Variants in GRK5 observed in about 807,000 individuals in gnomAD.
The protein encoded by GRK5 is G protein-coupled receptor kinase 5, also known as g protein-coupled receptor kinase GRK5.
A neutral mutation model predicts 78.4 loss-of-function variants in GRK5; 40 were observed. The ratio of observed to expected loss-of-function variants is 0.51; its 90% CI spans 0.40 to 0.66. GRK5 has a LOEUF of 0.66. Ranked by LOEUF, GRK5 falls within the 30% of genes least tolerant of loss-of-function variation. The pLI is 0.00. For synonymous variants in GRK5, 289 were observed against 296.8 expected (o/e 0.97, Z 0.27); for missense variants, 598 against 759.9 (o/e 0.79, Z 2.50).
intron 1 of GRK5, among the ~76,000 whole-genome samples, chr10:119,291,141 AG>A (rs982825340): frequency 2.0e-5 from 3 of 152,152 alleles, no homozygotes; most frequent in Non-Finnish European, 4.4e-5. Context: ...AGCCAGCCGC[AG>A]GGTATGGGGT....
chr10:119,392,008 C>T (rs1851895349), intron 3 of GRK5, among the ~76,000 whole-genome samples: 1 of 152,206 alleles, frequency 6.6e-6, no homozygotes, highest in Non-Finnish European at 1.5e-5. Flanking sequence ...GCCCAGACTG[C>T]CCTTTCTAAA....
intron 6 of GRK5, among the ~76,000 whole-genome samples, chr10:119,426,186 G>A (rs1852673165): frequency 6.6e-6 from 1 of 152,188 alleles, no homozygotes; most frequent in South Asian, 2.1e-4. Context: ...TGCAGGCCAG[G>A]AGCCCTTCTG....
At position 119,455,811 on chromosome 10, in the gene GRK5, C is replaced by T. The variant is rs1198387920; in HGVS notation, c.*744C>T. On this transcript the variant is annotated 3_prime_UTR_variant, in exon 16 of 16. Transcript: ENST00000392870. ...GTCGCCTAGGCTGAGCCCTTCTCCT[C>T]GAGGGGCACGCCGAGCCACTGTCGC... 5 of 158,714 alleles carry T rather than the reference C, an allele frequency of 3.2e-5. No individual in the cohort carries two copies. The highest frequency in any genetic ancestry group is 1.9e-4 in the East Asian group (1 of 5,254). The allele number at this position is 158,714 out of a possible 1,614,324, so 9.8% of individuals were successfully genotyped here. A position where few individuals can be genotyped will look rare whatever the true frequency, so the allele number is the denominator to read the frequency against.
At chr10:119,302,494 T>C (rs1358411629) in intron 1 of GRK5, among the ~76,000 whole-genome samples, 1 of 152,106 alleles carries the variant, frequency 6.6e-6, no homozygotes, top group African/African-American at 2.4e-5. Context: ...CAAGAGCTGG[T>C]TGTACTTTTT....
intron 2 of GRK5, among the ~76,000 whole-genome samples, chr10:119,332,251 C>T (rs896071571): frequency 6.6e-6 from 1 of 152,010 alleles, no homozygotes; most frequent in Non-Finnish European, 1.5e-5. Flanking sequence ...GGACTACAAA[C>T]GTGCACTACC....
chr10:119,289,692 TCTCCTGGCC>T (rs1189983657), intron 1 of GRK5, among the ~76,000 whole-genome samples: 5 of 152,200 alleles, frequency 3.3e-5, no homozygotes, highest in Admixed American at 6.5e-5. Context: ...TTCCCGAGTC[TCTCCTGGCC>T]CAGCAGTGGT....
In GRK5 at chr10:119,455,056, G is replaced by T. The variant is rs375507983; in HGVS notation, c.1762G>T (p.Gly588Ter). 1.9e-6 allele frequency: 3 copies of T among 1,613,474 alleles called. No individual in the cohort carries two copies. The highest frequency in any genetic ancestry group is 2.5e-6 in the Non-Finnish European group (3 of 1,179,418). Reference protein sequence around the residue: ...NSNHVSSNSTGSS With the variant: ...NSNHVSSNST ...AAACCATGTCAGCTCGAACTCCACC[G>T]GAAGCAGCTAGTTTCGGCTCTGGCC... Residue 588 changes from glycine (G) to a stop codon, truncating the protein, a stop_gained, in exon 16 of 16, where the codon GGA (glycine) becomes TGA (stop). Coordinates refer to ENST00000392870, the MANE Select transcript of GRK5 (RefSeq NM_005308.3). LOFTEE classifies it high-confidence loss of function.
chr10:119,309,523 G>A (rs545745746), intron 1 of GRK5, among the ~76,000 whole-genome samples: 1 of 152,372 alleles, frequency 6.6e-6, no homozygotes, highest in Admixed American at 6.5e-5. Context: ...TCAGGGCAGA[G>A]TAATGGCGAC....
At chr10:119,446,511 C>G (rs892251092) in intron 12 of GRK5, among the ~76,000 whole-genome samples, 4 of 143,656 alleles carry the variant, frequency 2.8e-5, no homozygotes, top group African/African-American at 1.0e-4. Flanking sequence ...ACCTTCCTGG[C>G]CAGCTGCTGC....
Position 119,423,284 on chromosome 10 carries a change from C to T in GRK5, c.440+18C>T, listed in dbSNP as rs1179294172. 5 of 1,560,156 alleles carry T rather than the reference C, an allele frequency of 3.2e-6. No individual in the cohort carries two copies. The Admixed American group carries it at 5.0e-5, about 16-fold the overall frequency. ...TGTGCACAGTAAGTGCCGTAGTCACCTGGCCTGTCCTCCCCGGGCTGCCCA... is the reference window on the plus strand; with the variant it reads ...TGTGCACAGTAAGTGCCGTAGTCACTTGGCCTGTCCTCCCCGGGCTGCCCA... On this transcript the variant is annotated intron_variant, in intron 5 of 15. Transcript: ENST00000392870.
chr10:119,454,941 A>C (rs1198204276), intron 15 of GRK5, 28 bp from the exon 16 acceptor site: 1 of 1,469,084 alleles, frequency 6.8e-7, no homozygotes, highest in South Asian at 1.1e-5. Context: ...TGTTCTCTCC[A>C]CCCCGTCTCC....
At chr10:119,211,551 A>G (rs1278543412) in intron 1 of GRK5, 2 of 152,188 alleles carry the variant, frequency 1.3e-5, no homozygotes, top group Admixed American at 1.3e-4. Context: ...TCCTTTCTTC[A>G]CAGGCCAGCA....
intron 1 of GRK5, among the ~76,000 whole-genome samples, chr10:119,303,156 G>A (rs964692799): frequency 6.6e-6 from 1 of 152,232 alleles, no homozygotes; most frequent in East Asian, 1.9e-4. Flanking sequence ...CATATGCAGA[G>A]TCTGCCCCGG....
intron 2 of GRK5, among the ~76,000 whole-genome samples, chr10:119,370,996 C>T (rs1851537475): frequency 1.4e-5 from 2 of 146,928 alleles, no homozygotes. Flanking sequence ...AGCCTCACAA[C>T]CTTTACAATC....
rs1009330777 is a variant in GRK5, at chr10:119,238,896, A to C, written c.52+30927A>C. ...AAAGTTGATGGTTACTCTACCATGA[A>C]AGAGCAGAAAAAGCTGAGCAGAAAA... is the stretch of plus-strand genomic sequence containing the variant. On this transcript the variant is annotated intron_variant, in intron 1 of 15. Coordinates refer to ENST00000392870, the MANE Select transcript of GRK5 (RefSeq NM_005308.3). This position sits in a 1 kb window ranked among gnomAD's most constrained non-coding sequence, Gnocchi z 4.7. 6.6e-6 allele frequency among the ~76,000 whole-genome samples: 1 copy of C among 152,142 alleles called. No homozygotes were observed. The highest frequency in any genetic ancestry group is 6.5e-5 in the Admixed American group (1 of 15,270).
chr10:119,414,104 C>T (rs1852399085), intron 4 of GRK5, among the ~76,000 whole-genome samples: 1 of 152,196 alleles, frequency 6.6e-6, no homozygotes, highest in African/African-American at 2.4e-5. Flanking sequence ...CTGGGAGCCC[C>T]TTTCTTCCAG....
intron 1 of GRK5, among the ~76,000 whole-genome samples, chr10:119,323,587 C>T (rs539159094): frequency 6.6e-6 from 1 of 152,306 alleles, no homozygotes; most frequent in South Asian, 2.1e-4. Flanking sequence ...CTGGAGGCCA[C>T]ATGTGCTGTC....
rs1249280627 is a variant in GRK5 at position 119,217,036 on chromosome 10, C to A, written c.52+9067C>A. 2.6e-5 allele frequency among the ~76,000 whole-genome samples: 4 copies of A among 152,274 alleles called. No individual in the cohort carries two copies. In the East Asian group the frequency reaches 7.7e-4, roughly 29 times the overall value. On this transcript the variant is annotated intron_variant, in intron 1 of 15. Coordinates refer to ENST00000392870, the MANE Select transcript of GRK5 (RefSeq NM_005308.3). This position sits in a 1 kb window ranked among gnomAD's most constrained non-coding sequence, Gnocchi z 4.1. ...GGGGAGCAATTGCAAGTGGATCTCC[C>A]CTATCCTCCAAAGTGCTTTTATGTT... is the stretch of plus-strand genomic sequence containing the variant.
chr10:119,256,620 CT>C (rs74361847), intron 1 of GRK5, among the ~76,000 whole-genome samples: 3,052 of 151,706 alleles, frequency 0.02, 55 homozygotes, highest in Admixed American at 0.051. Context: ...CCCTTCACCC[CT>C]ATTGCACCCC....
Sources: allele counts gnomAD v4.1 joint callset (sites outside exome capture counted in the v4.1 genomes callset), GRCh38; gene constraint gnomAD v4.1.1; non-coding constraint Gnocchi (gnomAD v3.1); transcripts MANE v1.5; gene names NCBI Gene and HGNC (gene_info 2026-07-23, HGNC 2026-07-21).